Variants in RSF1 observed in about 807,000 individuals in gnomAD.
RSF1 encodes remodeling and spacing factor 1, also known as HBV pX-associated protein 8.
Under a neutral mutation model 145.2 loss-of-function variants are expected in RSF1, and 13 were observed. That is an observed-to-expected ratio of 0.09 (90% CI 0.06 to 0.14). The LOEUF is 0.14. Ranked by LOEUF, RSF1 falls within the 10% of genes least tolerant of loss-of-function variation. The pLI is 1.00. For missense variants in RSF1, 1,517 were observed against 1,718.2 expected (o/e 0.88, Z 2.07); for synonymous variants, 577 against 592.6 (o/e 0.97, Z 0.38).
chr11:77,692,871 T>A (rs1960191876), intron 8 of RSF1, among the ~76,000 whole-genome samples: 2 of 151,872 alleles, frequency 1.3e-5, no homozygotes. Context: ...AGAGACAGAG[T>A]TTCACCATGT....
chr11:77,755,496 T>C (rs965173195), intron 2 of RSF1, among the ~76,000 whole-genome samples: 1 of 152,224 alleles, frequency 6.6e-6, no homozygotes, highest in African/African-American at 2.4e-5. Context: ...ATCAGACATC[T>C]AAGAAATGTG....
At chr11:77,759,546 T>C (rs1948150260) in intron 2 of RSF1, among the ~76,000 whole-genome samples, 1 of 152,090 alleles carries the variant, frequency 6.6e-6, no homozygotes, top group Admixed American at 6.6e-5. Context: ...TAGCCAGGCA[T>C]GGTGGCGTGT....
chr11:77,723,569 G>A lies in RSF1; in HGVS notation c.733+1976C>T, dbSNP rs549826277. 9.2e-5 allele frequency among the ~76,000 whole-genome samples: 14 copies of A among 152,252 alleles called. No individual in the cohort carries two copies. In the East Asian group the frequency reaches 2.5e-3, roughly 27 times the overall value. On this transcript the variant is annotated intron_variant, in intron 5 of 15. Coordinates refer to ENST00000308488, the MANE Select transcript of RSF1 (RefSeq NM_016578.4). ...TGGGCTTAGAAATAAAACCACCACAGACATTTGAAATAAAACCACATAAGC... is the reference window on the plus strand; with the variant it reads ...TGGGCTTAGAAATAAAACCACCACAAACATTTGAAATAAAACCACATAAGC...
At chr11:77,819,067 T>C (rs1948809429) in intron 1 of RSF1, among the ~76,000 whole-genome samples, 1 of 152,192 alleles carries the variant, frequency 6.6e-6, no homozygotes, top group South Asian at 2.1e-4. Flanking sequence ...TCTTTATAGG[T>C]AATATTCTGA....
rs773747022 is a variant in RSF1 at position 77,676,926 on chromosome 11, T to G, written c.3207A>C (p.Glu1069Asp). 6.8e-6 allele frequency: 11 copies of G among 1,613,258 alleles called. No individual in the cohort carries two copies. Among genetic ancestry groups the G allele is most frequent in the Non-Finnish European group, 9.3e-6 (11 of 1,179,406 alleles). Residue 1069 changes from glutamate (E) to aspartate (D), a missense_variant, in exon 13 of 16, where the codon GAA becomes GAC. Glu to Asp is a conservative substitution (Grantham distance 45, BLOSUM62 2). Coordinates refer to ENST00000308488, the MANE Select transcript of RSF1 (RefSeq NM_016578.4). ...GGGGTCGTTTATTTTCTTTTCTTTC[T>G]TCATCCAAAATAGTAGAGATGTCTT... Reference protein sequence around the residue: ...RGKDISTILDEERKENKRPQR... With the variant: ...RGKDISTILDDERKENKRPQR...
chr11:77,700,919 A>C lies in RSF1; in HGVS notation c.2310T>G (p.Asn770Lys). The change falls in exon 6 of 16, where the codon AAT becomes AAG. Residue 770 changes from asparagine to lysine, a missense_variant. By Grantham distance (94) the Asn-to-Lys change is moderately conservative (BLOSUM62 0). This residue lies in a region of RSF1 where 579 missense variants were observed against 553.5 expected (regional missense o/e 1.05). Transcript: ENST00000308488. ...GAGATCTTCTTAAAGTACGACCCACATTTGTTTTCTCCTCTTCCTTTTCTG... is the reference window on the plus strand; with the variant it reads ...GAGATCTTCTTAAAGTACGACCCACCTTTGTTTTCTCCTCTTCCTTTTCTG... ...EKTEKEEEKT[N>K]VGRTLRRSPR... 6.2e-7 allele frequency: 1 copy of C among 1,613,558 alleles called. No individual in the cohort carries two copies. The highest frequency in any genetic ancestry group is 8.5e-7 in the Non-Finnish European group (1 of 1,179,966).
At chr11:77,776,235 CG>C (rs2135950471) in intron 1 of RSF1, among the ~76,000 whole-genome samples, 1 of 152,044 alleles carries the variant, frequency 6.6e-6, no homozygotes, top group African/African-American at 2.4e-5. Flanking sequence ...CAAACAAAAA[CG>C]GGGAAAAAAC....
chr11:77,791,172 T>TG (rs1485014180), intron 1 of RSF1, among the ~76,000 whole-genome samples: 1 of 152,244 alleles, frequency 6.6e-6, no homozygotes, highest in Admixed American at 6.5e-5. Flanking sequence ...GAAATCTAGG[T>TG]GGAGGTTCCC....
chr11:77,830,416 G>A, the RSF1 span, among the ~76,000 whole-genome samples: 4 of 152,042 alleles, frequency 2.6e-5, no homozygotes, highest in Admixed American at 6.6e-5. Flanking sequence ...GAAATCTAGC[G>A]CCTATTGTTT....
chr11:77,808,032 T>C (rs773870168), intron 1 of RSF1, among the ~76,000 whole-genome samples: 2 of 152,064 alleles, frequency 1.3e-5, no homozygotes, highest in African/African-American at 2.4e-5. Flanking sequence ...ATTAAAAAAA[T>C]TTTTTAAATA....
At chr11:77,774,434 T>C (rs1347721329) in intron 1 of RSF1, among the ~76,000 whole-genome samples, 2 of 151,610 alleles carry the variant, frequency 1.3e-5, no homozygotes, top group Admixed American at 1.3e-4. Flanking sequence ...TAGCCAGGCA[T>C]GGTGGTGTGC....
In RSF1 at chr11:77,685,221, A is replaced by AT. The variant is rs1480552000; in HGVS notation, c.2901-63dup. On this transcript the variant is annotated intron_variant, in intron 9 of 15. Transcript: ENST00000308488. The stretch of plus-strand genomic sequence containing the variant: ...CAGAAAATAAAACTGTTATGTAAAC[A>AT]TCACGAATACACATAATGTTAAAAT... 2.7e-5 allele frequency: 25 copies of AT among 936,236 alleles called. No individual in the cohort carries two copies. The East Asian group carries it at 6.6e-4, about 25-fold the overall frequency. The allele number at this position is 936,236 out of a possible 1,614,324, so 58.0% of individuals were successfully genotyped here. A position where few individuals can be genotyped will look rare whatever the true frequency, so the allele number is the denominator to read the frequency against.
chr11:77,708,374 G>A (rs1960602954), intron 5 of RSF1, among the ~76,000 whole-genome samples: 1 of 152,132 alleles, frequency 6.6e-6, no homozygotes, highest in Non-Finnish European at 1.5e-5. Flanking sequence ...AGCCTGCAGT[G>A]AGCCATGACC....
At chr11:77,805,477 T>C (rs1325773099) in intron 1 of RSF1, among the ~76,000 whole-genome samples, 2 of 152,124 alleles carry the variant, frequency 1.3e-5, no homozygotes, top group Admixed American at 1.3e-4. Flanking sequence ...AAAGACAGAT[T>C]ATCTCACTAA....
chr11:77,669,036 CT>C (rs1185537851), intron 15 of RSF1, among the ~76,000 whole-genome samples: 1 of 152,174 alleles, frequency 6.6e-6, no homozygotes, highest in Non-Finnish European at 1.5e-5. Context: ...AACTGGGCTC[CT>C]AAACTTTCTC....
At chr11:77,838,606 T>C in the RSF1 span, among the ~76,000 whole-genome samples, 2 of 149,290 alleles carry the variant, frequency 1.3e-5, no homozygotes, top group Admixed American at 6.8e-5. Flanking sequence ...CCCTGACTGA[T>C]ACAAGTACCT....
chr11:77,816,021 C>T (rs1488205541), intron 1 of RSF1, among the ~76,000 whole-genome samples: 1 of 152,192 alleles, frequency 6.6e-6, no homozygotes, highest in East Asian at 1.9e-4. Flanking sequence ...ATGACAACAA[C>T]CTCCCTCCAA....
chr11:77,721,432 T>G (rs532388187), intron 5 of RSF1, among the ~76,000 whole-genome samples: 4 of 152,326 alleles, frequency 2.6e-5, no homozygotes, highest in Middle Eastern at 3.4e-3. Context: ...ACAGGGTTTT[T>G]GGGGGCTGAA....
intron 1 of RSF1, among the ~76,000 whole-genome samples, chr11:77,799,098 T>C (rs1948601998): frequency 6.6e-6 from 1 of 151,630 alleles, no homozygotes; most frequent in Non-Finnish European, 1.5e-5. Flanking sequence ...ACCTCTTGAA[T>C]GGGGGAAAAT....
Sources: allele counts gnomAD v4.1 joint callset (sites outside exome capture counted in the v4.1 genomes callset), GRCh38; gene constraint gnomAD v4.1.1; regional missense constraint gnomAD v4.1.1; transcripts MANE v1.5; gene names NCBI Gene and HGNC (gene_info 2026-07-23, HGNC 2026-07-21).